Variants in CTNNA3 observed in about 807,000 individuals in gnomAD.
CTNNA3 encodes the protein catenin alpha-3.
Under a neutral mutation model 95.7 loss-of-function variants are expected in CTNNA3, and 76 were observed. The observed-to-expected ratio is 0.79, with a 90% CI of 0.66 to 0.96. CTNNA3 has a LOEUF of 0.96. Ranked by LOEUF, CTNNA3 falls within the 40% of genes least tolerant of loss-of-function variation. CTNNA3 has a pLI of 0.00. For synonymous variants in CTNNA3, 431 were observed against 374.4 expected (o/e 1.15, Z -1.74); for missense variants, 1,191 against 1,089.8 (o/e 1.09, Z -1.31).
At chr10:67,365,760 G>A (rs567391231) in intron 5 of CTNNA3, among the ~76,000 whole-genome samples, 7 of 152,250 alleles carry the variant, frequency 4.6e-5, no homozygotes, top group East Asian at 3.9e-4. Context: ...AAATAGGAAC[G>A]CTTTTACACT....
At chr10:66,930,926 T>C (rs1172590127) in intron 7 of CTNNA3, among the ~76,000 whole-genome samples, 1 of 152,166 alleles carries the variant, frequency 6.6e-6, no homozygotes, top group Admixed American at 6.5e-5. Context: ...TCTTCTGTAA[T>C]TCTCAGTATC....
At chr10:66,428,763 G>C (rs2093267484) in intron 11 of CTNNA3, among the ~76,000 whole-genome samples, 1 of 151,962 alleles carries the variant, frequency 6.6e-6, no homozygotes, top group Admixed American at 6.6e-5. Context: ...AGTGTGTAGA[G>C]GGAAATTTAT....
intron 7 of CTNNA3, among the ~76,000 whole-genome samples, chr10:66,842,087 C>A (rs557669365): frequency 6.6e-6 from 1 of 151,966 alleles, no homozygotes. Flanking sequence ...GCACACCAAA[C>A]CTGGCTAAAT....
intron 13 of CTNNA3, among the ~76,000 whole-genome samples, chr10:66,122,782 T>C (rs1589466061): frequency 6.6e-6 from 1 of 152,332 alleles, no homozygotes. Flanking sequence ...CTTACATGGA[T>C]GGCAGCAGAC....
chr10:67,467,258 G>C (rs1226972118), intron 5 of CTNNA3, among the ~76,000 whole-genome samples: 2 of 152,132 alleles, frequency 1.3e-5, no homozygotes, highest in African/African-American at 2.4e-5. Flanking sequence ...GTCTGAGCAT[G>C]GCTAGTTAAG....
intron 9 of CTNNA3, among the ~76,000 whole-genome samples, chr10:66,651,618 C>G (rs867579374): frequency 1.3e-5 from 2 of 151,510 alleles, no homozygotes; most frequent in African/African-American, 4.9e-5. Flanking sequence ...TGCTGGGAGA[C>G]GGCTGAGGCC....
At position 66,054,517 on chromosome 10, in the gene CTNNA3, A is replaced by G. The variant is rs574288222; in HGVS notation, c.2159+14791T>C. Among the ~76,000 whole-genome samples the G allele has an allele frequency of 2.6e-5, 4 of 152,276 alleles. No homozygotes were observed. In the South Asian group the frequency reaches 6.2e-4, roughly 24 times the overall value. Reference sequence around the variant, plus strand: ...TTTCATATACCAGTTTGCCATTTGTATGTATCCTTTTGAGAAATGTCTATG... The same window carrying G: ...TTTCATATACCAGTTTGCCATTTGTGTGTATCCTTTTGAGAAATGTCTATG... On this transcript the variant is annotated intron_variant, in intron 15 of 17. Coordinates refer to ENST00000433211, the MANE Select transcript of CTNNA3 (RefSeq NM_013266.4).
At chr10:67,067,075 T>C (rs1391468298) in intron 7 of CTNNA3, among the ~76,000 whole-genome samples, 10 of 152,166 alleles carry the variant, frequency 6.6e-5, no homozygotes, top group Admixed American at 6.5e-4. Flanking sequence ...ATGCTTTGAG[T>C]ATATTTGTGT....
At chr10:66,293,770 A>G (rs148805529) in intron 12 of CTNNA3, among the ~76,000 whole-genome samples, 1 of 151,168 alleles carries the variant, frequency 6.6e-6, no homozygotes, top group African/African-American at 2.4e-5. Flanking sequence ...GGTTCAAACA[A>G]TTCTCCTGCG....
chr10:66,143,369 T>G (rs1238362316), intron 13 of CTNNA3, among the ~76,000 whole-genome samples: 1 of 152,130 alleles, frequency 6.6e-6, no homozygotes, highest in Non-Finnish European at 1.5e-5. Flanking sequence ...GGTCCATAAT[T>G]GTTTTTAAGT....
In CTNNA3 at chr10:65,913,420, T is replaced by C. The variant is rs577059043; in HGVS notation, c.*6910A>G. ...TTTTCAGGAACTTGTTAGTCACGGA[T>C]ATGGAGGAGAAATTATTATGCTACC... On this transcript the variant is annotated 3_prime_UTR_variant, in exon 18 of 18. Coordinates refer to ENST00000433211, the MANE Select transcript of CTNNA3 (RefSeq NM_013266.4). 4.6e-5 allele frequency: 7 copies of C among 152,120 alleles called. No individual in the cohort carries two copies. Among genetic ancestry groups the C allele is most frequent in the Non-Finnish European group, 7.4e-5 (5 of 68,018 alleles). The allele number at this position is 152,120 out of a possible 1,614,324, so 9.4% of individuals were successfully genotyped here.
intron 7 of CTNNA3, chr10:66,926,556 TAAGGACGACCTTTGAACAATACA>T: frequency 6.2e-7 from 1 of 1,613,842 alleles, no homozygotes; most frequent in Non-Finnish European, 8.5e-7. Flanking sequence ...GCAAAAGACC[TAAGGACGACCTTTGAACAATACA>T]AAGGATGGGT....
At chr10:66,750,411 T>A (rs1839085090) in intron 9 of CTNNA3, among the ~76,000 whole-genome samples, 1 of 152,204 alleles carries the variant, frequency 6.6e-6, no homozygotes, top group Admixed American at 6.5e-5. Context: ...TGGGGATGTG[T>A]AAAGATTCAT....
chr10:66,594,759 T>C (rs1020415971), intron 10 of CTNNA3, among the ~76,000 whole-genome samples: 2 of 152,168 alleles, frequency 1.3e-5, no homozygotes, highest in Non-Finnish European at 2.9e-5. Flanking sequence ...GGCAACAGTA[T>C]GGATTATAAA....
chr10:66,374,606 CTTTTTTTTTTT>C (rs58880058), intron 12 of CTNNA3, among the ~76,000 whole-genome samples: 5 of 88,150 alleles, frequency 5.7e-5, no homozygotes, highest in Non-Finnish European at 8.0e-5. Flanking sequence ...AAAGAAAAGC[CTTTTTTTTTTT>C]TTTTTTTTTT....
chr10:66,963,931 C>A (rs745533939), intron 7 of CTNNA3, among the ~76,000 whole-genome samples: 50 of 151,644 alleles, frequency 3.3e-4, no homozygotes, highest in Non-Finnish European at 5.6e-4. Flanking sequence ...AAACCTCCAA[C>A]TCCCTGGTTC....
At position 67,739,629 on chromosome 10, in the gene CTNNA3, T is replaced by A. The variant is rs1841323468; in HGVS notation, c.-2+23805A>T. ...CGTGAAGGACCTCTTCAAGGAGAAC[T>A]ACAAACCACTGCTCAAGGAAATAAA... On this transcript the variant is annotated intron_variant, in intron 1 of 17. Transcript: ENST00000684154. 2.0e-5 allele frequency among the ~76,000 whole-genome samples: 3 copies of A among 151,614 alleles called. No individual in the cohort carries two copies. In the South Asian group the frequency reaches 6.2e-4, roughly 31 times the overall value.
chr10:66,584,676 G>T (rs1157950896), intron 10 of CTNNA3, among the ~76,000 whole-genome samples: 1 of 151,862 alleles, frequency 6.6e-6, no homozygotes, highest in East Asian at 1.9e-4. Context: ...GGAGCATTTA[G>T]ACCAGTTACA....
At chr10:67,095,973 C>T (rs931066474) in intron 7 of CTNNA3, among the ~76,000 whole-genome samples, 2 of 151,704 alleles carry the variant, frequency 1.3e-5, no homozygotes, top group African/African-American at 2.4e-5. Context: ...ATTTTCTTTA[C>T]GATCTTTCAG....
Sources: allele counts gnomAD v4.1 joint callset (sites outside exome capture counted in the v4.1 genomes callset), GRCh38; gene constraint gnomAD v4.1.1; transcripts MANE v1.5; gene names NCBI Gene and HGNC (gene_info 2026-07-23, HGNC 2026-07-21).